The following TSNARE1 variants were observed in gnomAD, a reference collection of about 807,000 sequenced individuals.
TSNARE1 encodes t-SNARE domain-containing protein 1.
In TSNARE1, 49 loss-of-function variants were observed where a neutral mutation model predicts 62.0. That is an observed-to-expected ratio of 0.79 (90% CI 0.63 to 1.00). TSNARE1 has a LOEUF of 1.00. TSNARE1 is among the 50% of genes least tolerant of loss of function. The pLI is 0.00. For synonymous variants in TSNARE1, 328 were observed against 294.4 expected, an observed-to-expected ratio of 1.11 and a Z score of -1.17; for missense variants, 755 against 700.1, an observed-to-expected ratio of 1.08 and a Z score of -0.88.
At chr8:142,222,260 ATCCACTCACTCACTCATCCACTC>A (rs1563754867) in intron 13 of TSNARE1, among the ~76,000 whole-genome samples, 5 of 35,888 alleles carry the variant, frequency 1.4e-4, no homozygotes, top group African/African-American at 2.7e-4. Flanking sequence ...TCATCCACTC[ATCCACTCACTCACTCATCCACTC>A]ATTCACTCTC....
At chr8:142,249,814 C>T (rs1310681930) in intron 12 of TSNARE1, among the ~76,000 whole-genome samples, 2 of 152,230 alleles carry the variant, frequency 1.3e-5, no homozygotes, top group Non-Finnish European at 2.9e-5. Context: ...ATGATGTCTT[C>T]GAGAGAGCTG....
At chr8:142,221,973 C>CCACT (rs778474946) in intron 13 of TSNARE1, among the ~76,000 whole-genome samples, 10,692 of 112,420 alleles carry the variant, frequency 0.095, 1,945 homozygotes, top group African/African-American at 0.32. Context: ...ATCCACTCAT[C>CCACT]CACTCACTCA....
chr8:142,396,275 A>G (rs28698573), intron 1 of TSNARE1, among the ~76,000 whole-genome samples: 4,728 of 152,198 alleles, frequency 0.031, 268 homozygotes, highest in African/African-American at 0.11. Flanking sequence ...ACCTGGCCCC[A>G]AAGCCCTGGA....
intron 9 of TSNARE1, among the ~76,000 whole-genome samples, chr8:142,311,161 T>G (rs1287329170): frequency 1.4e-5 from 2 of 137,954 alleles, no homozygotes; most frequent in Admixed American, 7.3e-5. Context: ...AGGGTGGTTG[T>G]TTTTTTTTTT....
intron 6 of TSNARE1, chr8:142,326,013 G>T (rs547070307): frequency 1.6e-4 from 24 of 153,846 alleles, no homozygotes; most frequent in African/African-American, 5.4e-4. Flanking sequence ...CAGCACCAGC[G>T]AAGGGGAGGG....
chr8:142,309,548 T>A (rs1373156072), intron 9 of TSNARE1, among the ~76,000 whole-genome samples: 2 of 152,218 alleles, frequency 1.3e-5, no homozygotes, highest in Non-Finnish European at 2.9e-5. Flanking sequence ...CTATATTACA[T>A]GGTGAATCAC....
At chr8:142,402,047 T>C (rs1042062316) in intron 1 of TSNARE1, among the ~76,000 whole-genome samples, 4 of 151,922 alleles carry the variant, frequency 2.6e-5, no homozygotes, top group African/African-American at 7.3e-5. Flanking sequence ...CAAGAAATAC[T>C]GTAGGGAGAG....
intron 9 of TSNARE1, among the ~76,000 whole-genome samples, chr8:142,303,344 G>A (rs970274082): frequency 4.6e-5 from 7 of 152,150 alleles, no homozygotes; most frequent in African/African-American, 1.4e-4. Context: ...CCCAGCAGGT[G>A]CTGCTCCCAA....
intron 13 of TSNARE1, among the ~76,000 whole-genome samples, chr8:142,212,813 C>G (rs1264623811): frequency 1.8e-5 from 1 of 54,466 alleles, no homozygotes; most frequent in African/African-American, 7.1e-5. Flanking sequence ...TCCTTCCCCC[C>G]CCTGTCCCTC....
At chr8:142,282,608 G>A (rs1387467726) in intron 11 of TSNARE1, among the ~76,000 whole-genome samples, 8 of 121,082 alleles carry the variant, frequency 6.6e-5, no homozygotes, top group Non-Finnish European at 1.2e-4. Context: ...ATGAGCAGAG[G>A]GGAGGCCACT....
chr8:142,388,273 C>T (rs1425605232), intron 1 of TSNARE1, among the ~76,000 whole-genome samples: 2 of 152,024 alleles, frequency 1.3e-5, no homozygotes, highest in African/African-American at 4.8e-5. Context: ...TTTTCATTAA[C>T]ATACCTTTCT....
At chr8:142,265,199 A>G (rs982331353) in intron 12 of TSNARE1, among the ~76,000 whole-genome samples, 11 of 152,086 alleles carry the variant, frequency 7.2e-5, no homozygotes, top group Admixed American at 2.6e-4. Flanking sequence ...TCAAAATACA[A>G]AACTGTCCCA....
chr8:142,296,799 C>T (rs895028435), intron 10 of TSNARE1, among the ~76,000 whole-genome samples: 1 of 151,998 alleles, frequency 6.6e-6, no homozygotes, highest in Admixed American at 6.5e-5. Context: ...TCTCGGCGGT[C>T]CCCACAGGCT....
In TSNARE1 at chr8:142,391,634, G is replaced by A. The variant is rs376170011; in HGVS notation, c.-40+11470C>T. On this transcript the variant is annotated intron_variant, in intron 1 of 13. Transcript: ENST00000524325. ...GCCACCACGTTCCCCTCATCCAGAC[G>A]CGGGTGCTCACAGTGGAAGCCGTGT... Among the ~76,000 whole-genome samples the A allele has an allele frequency of 8.5e-5, 13 of 152,334 alleles. No homozygotes were observed. In the East Asian group the frequency reaches 9.6e-4, roughly 11 times the overall value.
chr8:142,219,310 CAGG>C (rs1816091796), intron 13 of TSNARE1, among the ~76,000 whole-genome samples: 1 of 152,144 alleles, frequency 6.6e-6, no homozygotes, highest in Non-Finnish European at 1.5e-5. Context: ...AGAAGGATGG[CAGG>C]AGATGACGAG....
rs1187702524 is a variant in TSNARE1, at chr8:142,284,437, C to G, written c.1339G>C (p.Val447Leu). Residue 447 changes from valine (V) to leucine (L), a missense_variant, in exon 11 of 14, where the codon GTG becomes CTG. Coordinates refer to ENST00000524325, the MANE Select transcript of TSNARE1 (RefSeq NM_145003.5). The part of the protein sequence containing the change: ...NQIIKDLASM[V>L]SEQGEAVDSI... Reference sequence around the variant, plus strand: ...CCAACAGCTTCTCCTTGCTCTGACACCATGGAGGCCAAGTCCTTGATGATC... The same window carrying G: ...CCAACAGCTTCTCCTTGCTCTGACAGCATGGAGGCCAAGTCCTTGATGATC... 6.2e-7 allele frequency: 1 copy of G among 1,613,574 alleles called. No homozygotes were observed. Among genetic ancestry groups the G allele is most frequent in the Non-Finnish European group, 8.5e-7 (1 of 1,179,978 alleles).
chr8:142,307,085 T>C (rs148227272), intron 9 of TSNARE1, among the ~76,000 whole-genome samples: 6 of 152,354 alleles, frequency 3.9e-5, no homozygotes, highest in Non-Finnish European at 7.3e-5. Flanking sequence ...CTCAGGCTTC[T>C]TGGACTCAGC....
rs567025753 is a variant in TSNARE1, at chr8:142,279,658, C to T, written c.1363+4755G>A. 4.6e-5 allele frequency among the ~76,000 whole-genome samples: 7 copies of T among 152,310 alleles called. No individual in the cohort carries two copies. In the East Asian group the frequency reaches 1.4e-3, roughly 29 times the overall value. Reference sequence around the variant, plus strand: ...CCACTACCGAGACAGGCAGAACCCTCCCTGGCCCCGACCCTTGGTTTCCCC... The same window carrying T: ...CCACTACCGAGACAGGCAGAACCCTTCCTGGCCCCGACCCTTGGTTTCCCC... On this transcript the variant is annotated intron_variant, in intron 11 of 13. Coordinates refer to ENST00000524325, the MANE Select transcript of TSNARE1 (RefSeq NM_145003.5).
chr8:142,402,259 C>G (rs1838348697), intron 1 of TSNARE1, among the ~76,000 whole-genome samples: 2 of 152,194 alleles, frequency 1.3e-5, no homozygotes. Flanking sequence ...CCGCACCACA[C>G]CGCTCACAGA....
Sources: gnomAD v4.1 joint callset for allele counts (sites outside exome capture counted in the v4.1 genomes callset) on GRCh38, gnomAD v4.1.1 for gene constraint, MANE v1.5 for transcripts, NCBI Gene and HGNC (gene_info 2026-07-23, HGNC 2026-07-21) for gene names.